Variants in PFKP observed in about 807,000 individuals in gnomAD.
PFKP encodes phosphofructokinase, platelet, also known as ATP-dependent 6-phosphofructokinase, platelet type.
PFKP carries 101 observed loss-of-function variants against 94.3 expected under a neutral mutation model. The ratio of observed to expected loss-of-function variants is 1.07; its 90% confidence interval spans 0.91 to 1.26. The LOEUF is 1.26. PFKP is among the 50% of genes most tolerant of loss of function. The pLI, the probability that PFKP is intolerant of heterozygous loss-of-function variation, is 0.00. For missense variants in PFKP, 1,145 were observed against 1,103.3 expected (o/e 1.04, Z -0.53); for synonymous variants, 573 against 432.6 (o/e 1.32, Z -4.03).
chr10:3,072,002 T>C (rs1832233421), intron 1 of PFKP, among the ~76,000 whole-genome samples: 2 of 152,216 alleles, frequency 1.3e-5, no homozygotes, highest in South Asian at 2.1e-4. Flanking sequence ...GGGCTGCGCG[T>C]ACCTGCGTCT....
rs374581817 is a variant in PFKP at position 3,135,791 on chromosome 10, C to T, written c.2178C>T (p.Asn726=). 27 of 1,613,536 alleles carry T rather than the reference C, an allele frequency of 1.7e-5. No individual in the cohort carries two copies. Among genetic ancestry groups the T allele is most frequent in the African/African-American group, 8.0e-5 (6 of 74,898 alleles). ...GTGTGCTGGGAATAAGCAAAAGAAA[C>T]GTTATTTTTCAACCTGTGGCAGAGC... ...SICVLGISKR[N]VIFQPVAELK... Residue 726 remains asparagine (N), a synonymous_variant, in exon 21 of 22, where the codon AAC becomes AAT. Coordinates refer to ENST00000381125, the MANE Select transcript of PFKP (RefSeq NM_002627.5).
intron 2 of PFKP, among the ~76,000 whole-genome samples, chr10:3,096,252 C>A (rs955615330): frequency 4.6e-5 from 7 of 152,170 alleles, no homozygotes; most frequent in African/African-American, 1.2e-4. Flanking sequence ...ACTCTGAAAG[C>A]TGATGCCGTT....
Position 3,068,865 on chromosome 10 carries a change from C to T in PFKP, c.112+1158C>T, listed in dbSNP as rs113189067. The T allele has an allele frequency of 0.044, 10,229 of 233,018 alleles. 322 individuals are homozygous for T. The highest frequency in any genetic ancestry group is 0.056 in the South Asian group (363 of 6,492). The allele number at this position is 233,018 out of a possible 1,614,324, so 14.4% of individuals were successfully genotyped here. A position where few individuals can be genotyped will look rare whatever the true frequency, so the allele number is the denominator to read the frequency against. On this transcript the variant is annotated intron_variant, in intron 1 of 21. Coordinates refer to ENST00000381125, the MANE Select transcript of PFKP (RefSeq NM_002627.5). The stretch of plus-strand genomic sequence containing the variant: ...TTCCCGGTTCCTCCTGCCGCAGATG[C>T]GTGGAAAGGCCCGGATGGCGGATTT...
At chr10:3,101,205 C>T (rs781458162) in intron 3 of PFKP, among the ~76,000 whole-genome samples, 160 bp from the exon 4 acceptor site, 1 of 152,176 alleles carries the variant, frequency 6.6e-6, no homozygotes, top group Non-Finnish European at 1.5e-5. Flanking sequence ...GGACTAAAAA[C>T]AGGAAAATCA....
chr10:3,127,735 C>A (rs1838115406), intron 16 of PFKP, among the ~76,000 whole-genome samples: 1 of 152,202 alleles, frequency 6.6e-6, no homozygotes, highest in Non-Finnish European at 1.5e-5. Flanking sequence ...GATGGGAATT[C>A]TTCCCATTGC....
intron 13 of PFKP, among the ~76,000 whole-genome samples, chr10:3,113,929 T>G (rs1240558527): frequency 6.6e-6 from 1 of 152,080 alleles, no homozygotes; most frequent in East Asian, 1.9e-4. Context: ...TAACACCCCT[T>G]GATGTGTGCT....
At chr10:3,108,845 T>C in intron 9 of PFKP, 52 bp downstream of exon 9, 1 of 1,309,630 alleles carries the variant, frequency 7.6e-7, no homozygotes, top group East Asian at 2.3e-5. Flanking sequence ...AGGAAGCGTT[T>C]CTGGAGAGGC....
chr10:3,117,250 G>A (rs1836926663), intron 14 of PFKP, among the ~76,000 whole-genome samples: 1 of 152,156 alleles, frequency 6.6e-6, no homozygotes, highest in Admixed American at 6.5e-5. Context: ...CTGAGCAGCT[G>A]TGACTCGAGG....
At chr10:3,105,257 G>GAA (rs1835421013) in intron 6 of PFKP, 98 bp downstream of exon 6, 1 of 1,369,850 alleles carries the variant, frequency 7.3e-7, no homozygotes. Flanking sequence ...TGCTCCCGTG[G>GAA]AAAGTCCTGA....
In PFKP at chr10:3,070,518, G is replaced by A. The variant is rs78179915; in HGVS notation, c.112+2811G>A. On this transcript the variant is annotated intron_variant, in intron 1 of 21. Transcript: ENST00000381125. ...ATTATGGTAAAATTCCGTATATTAA[G>A]ATGATCATAGCTACCATTTGTTGAA... 6.6e-3 allele frequency among the ~76,000 whole-genome samples: 1,009 copies of A among 152,280 alleles called. 18 individuals are homozygous for A. Among genetic ancestry groups the A allele is most frequent in the African/African-American group, 0.023 (940 of 41,554 alleles).
chr10:3,116,190 A>C (rs1157666145), intron 13 of PFKP, among the ~76,000 whole-genome samples: 1 of 152,076 alleles, frequency 6.6e-6, no homozygotes, highest in Non-Finnish European at 1.5e-5. Context: ...ATGTAGAATG[A>C]TCTTTTTTCT....
chr10:3,135,593 G>C (rs1039418754), intron 20 of PFKP, 143 bp from the exon 21 acceptor site: 3 of 587,810 alleles, frequency 5.1e-6, no homozygotes, highest in East Asian at 3.0e-5. Context: ...CCCACTGCGC[G>C]GCTGTTCTCA....
chr10:3,128,064 A>G (rs4584487), intron 16 of PFKP, among the ~76,000 whole-genome samples: 104,743 of 152,040 alleles, frequency 0.69, 36,165 homozygotes, highest in South Asian at 0.74. Flanking sequence ...ATGGAGGCCC[A>G]TTAGGGAATC....
At chr10:3,073,825 GT>G (rs556041801) in intron 1 of PFKP, among the ~76,000 whole-genome samples, 1 of 150,788 alleles carries the variant, frequency 6.6e-6, no homozygotes. Flanking sequence ...GTGTGTGTGT[GT>G]TTTTTTTGTT....
intron 21 of PFKP, 103 bp from the exon 22 acceptor site, chr10:3,136,347 C>CA: frequency 2.4e-6 from 3 of 1,226,708 alleles, no homozygotes; most frequent in Admixed American, 1.9e-5. Flanking sequence ...GCCGACCCTA[C>CA]AAACCCTGTG....
chr10:3,112,738 T>A (rs1227275898), intron 11 of PFKP, among the ~76,000 whole-genome samples: 1 of 152,210 alleles, frequency 6.6e-6, no homozygotes, highest in Non-Finnish European at 1.5e-5. Context: ...CAGCTAATTT[T>A]TGTATTTTTA....
chr10:3,119,462 G>A (rs944753711), intron 15 of PFKP, among the ~76,000 whole-genome samples: 42 of 151,992 alleles, frequency 2.8e-4, no homozygotes, highest in African/African-American at 9.4e-4. Context: ...AAAATTAGCC[G>A]GGTGTGGTGG....
intron 16 of PFKP, chr10:3,125,160 CTG>C (rs1837812207): frequency 8.1e-6 from 11 of 1,350,578 alleles, no homozygotes; most frequent in South Asian, 2.4e-5. Context: ...TTGCATCCCC[CTG>C]TGTGTGGTGC....
At chr10:3,081,094 A>G (rs1326009250) in intron 1 of PFKP, among the ~76,000 whole-genome samples, 5 of 152,234 alleles carry the variant, frequency 3.3e-5, no homozygotes, top group East Asian at 3.8e-4. Flanking sequence ...TGTAATATAT[A>G]TATACACACA....
Sources: gnomAD v4.1 joint callset for allele counts (sites outside exome capture counted in the v4.1 genomes callset) on GRCh38, gnomAD v4.1.1 for gene constraint, MANE v1.5 for transcripts, NCBI Gene and HGNC (gene_info 2026-07-23, HGNC 2026-07-21) for gene names.